Variants in PKIG observed in about 807,000 individuals in gnomAD.
PKIG encodes the protein cAMP-dependent protein kinase inhibitor gamma.
In PKIG, 1 loss-of-function variant was observed where a neutral mutation model predicts 6.8. The ratio of observed to expected loss-of-function variants is 0.15; its 90% CI spans 0.05 to 0.69. The LOEUF (loss-of-function observed/expected upper bound fraction) is 0.69, where lower values mean the gene tolerates loss of function less well. Ranked by LOEUF, PKIG falls within the 30% of genes least tolerant of loss-of-function variation. The pLI is 0.82. For synonymous variants in PKIG, 39 were observed against 43.0 expected, an observed-to-expected ratio of 0.91 and a Z score of 0.36; for missense variants, 77 against 104.0, an observed-to-expected ratio of 0.74 and a Z score of 1.13.
intron 1 of PKIG, among the ~76,000 whole-genome samples, chr20:44,548,767 C>T (rs2064639560): frequency 6.6e-6 from 1 of 151,412 alleles, no homozygotes; most frequent in South Asian, 2.1e-4. Flanking sequence ...AATCAGTTTT[C>T]TTTTAAGACT....
chr20:44,534,878 AGGGTCACACAG>A (rs1231012575), intron 1 of PKIG, among the ~76,000 whole-genome samples: 12 of 152,270 alleles, frequency 7.9e-5, no homozygotes, highest in African/African-American at 2.2e-4. Context: ...ATGCTCACTC[AGGGTCACACAG>A]TATTTGAATC....
At position 44,544,925 on chromosome 20, in the gene PKIG, CTTTTTTTTTTTTTTTT is replaced by C. The variant is rs796482642; in HGVS notation, c.-241+12960_-241+12975del. Among the ~76,000 whole-genome samples, 273 of 64,396 alleles carry C rather than the reference CTTTTTTTTTTTTTTTT, an allele frequency of 4.2e-3. 4 individuals carry two copies. The highest frequency in any genetic ancestry group is 0.023 in the South Asian group (46 of 1,990). 42.2% of individuals were successfully genotyped at this position (64,396 alleles called of 152,430 possible). A position where few individuals can be genotyped will look rare whatever the true frequency, so the allele number is the denominator to read the frequency against. ...TCTTTCTTTCTTTCCTTCCTTCTTT[CTTTTTTTTTTTTTTTT>C]TTTTTTTTTTTTGAGATGGAATCTT... On this transcript the variant is annotated intron_variant, in intron 1 of 4. Coordinates refer to the PKIG transcript ENST00000372887.
At chr20:44,562,215 C>G (rs563834643) in intron 1 of PKIG, among the ~76,000 whole-genome samples, 74 of 152,018 alleles carry the variant, frequency 4.9e-4, no homozygotes, top group African/African-American at 1.8e-3. Context: ...TCAATGAAGC[C>G]AAAGTATGAT....
intron 1 of PKIG, among the ~76,000 whole-genome samples, chr20:44,551,307 G>T (rs1475772650): frequency 1.3e-5 from 2 of 152,116 alleles, no homozygotes; most frequent in African/African-American, 4.8e-5. Context: ...GCCCACCTCG[G>T]CCTCCCAAAG....
chr20:44,566,993 G>A (rs2064815949), intron 1 of PKIG, among the ~76,000 whole-genome samples: 1 of 152,040 alleles, frequency 6.6e-6, no homozygotes, highest in African/African-American at 2.4e-5. Flanking sequence ...TAGGAGTTTT[G>A]TCTGCATTCC....
At chr20:44,607,481 A>G (rs1266691795) in intron 2 of PKIG, among the ~76,000 whole-genome samples, 1 of 147,214 alleles carries the variant, frequency 6.8e-6, no homozygotes, top group Admixed American at 6.9e-5. Context: ...GGTTCGAGCA[A>G]TTCTCCTGCC....
intron 1 of PKIG, among the ~76,000 whole-genome samples, chr20:44,570,298 T>A (rs760733107): frequency 1.3e-5 from 2 of 152,214 alleles, no homozygotes; most frequent in African/African-American, 2.4e-5. Context: ...TTTCCAGTAT[T>A]TCCTATGATA....
chr20:44,613,719 C>G (rs1449840296), intron 2 of PKIG, among the ~76,000 whole-genome samples: 1 of 152,146 alleles, frequency 6.6e-6, no homozygotes, highest in Non-Finnish European at 1.5e-5. Flanking sequence ...ATCTTGGCAC[C>G]TGAACTTCAC....
chr20:44,588,872 G>C (rs928344404), intron 1 of PKIG, among the ~76,000 whole-genome samples: 1 of 152,166 alleles, frequency 6.6e-6, no homozygotes, highest in African/African-American at 2.4e-5. Context: ...ATGTTAGCTA[G>C]ATATAGAATT....
intron 1 of PKIG, among the ~76,000 whole-genome samples, chr20:44,565,165 T>G (rs973445967): frequency 2.6e-5 from 4 of 152,228 alleles, no homozygotes; most frequent in African/African-American, 9.6e-5. Flanking sequence ...TGTTAGTGGG[T>G]TTTTTTCTAA....
chr20:44,618,375 G>T lies in PKIG; in HGVS notation c.*11G>T. ...ACCACCTCGTCTTGAATCTGACCTT[G>T]TCCAAGAAGGCTGGACGAGAGACCT... On this transcript the variant is annotated 3_prime_UTR_variant, in exon 4 of 4. Coordinates refer to ENST00000372886, the MANE Select transcript of PKIG (RefSeq NM_001281445.2). The T allele has an allele frequency of 6.3e-7, 1 of 1,589,474 alleles. No individual in the cohort carries two copies. Among genetic ancestry groups the T allele is most frequent in the Non-Finnish European group, 8.6e-7 (1 of 1,157,532 alleles).
At chr20:44,577,234 CGAGTAGCTGGGAGCCTCCT>C (rs1423685642) in intron 1 of PKIG, among the ~76,000 whole-genome samples, 1 of 152,032 alleles carries the variant, frequency 6.6e-6, no homozygotes, top group East Asian at 1.9e-4. Context: ...CTCAGCCTCC[CGAGTAGCTGGGAGCCTCCT>C]GAGTAGCTGG....
At chr20:44,555,577 A>G (rs1011135075) in intron 1 of PKIG, among the ~76,000 whole-genome samples, 1 of 152,150 alleles carries the variant, frequency 6.6e-6, no homozygotes, top group African/African-American at 2.4e-5. Context: ...AAGCTCACCC[A>G]CAGTTCTTTG....
chr20:44,535,684 A>T (rs899131712), intron 1 of PKIG, among the ~76,000 whole-genome samples: 3 of 152,176 alleles, frequency 2.0e-5, no homozygotes, highest in Admixed American at 2.0e-4. Context: ...TATTAGAAAG[A>T]TGTTTACATT....
chr20:44,573,968 A>T (rs2064874712), intron 1 of PKIG, among the ~76,000 whole-genome samples: 1 of 152,196 alleles, frequency 6.6e-6, no homozygotes, highest in Non-Finnish European at 1.5e-5. Flanking sequence ...GTAATACATG[A>T]ATATGACTTT....
At chr20:44,569,285 T>C (rs2064835023) in intron 1 of PKIG, among the ~76,000 whole-genome samples, 1 of 152,228 alleles carries the variant, frequency 6.6e-6, no homozygotes, top group Non-Finnish European at 1.5e-5. Context: ...AAATTTTCTC[T>C]CTCCTGAAAT....
Position 44,618,293 on chromosome 20 carries a change from G to T in PKIG, c.160G>T (p.Val54Leu). The T allele has an allele frequency of 6.2e-7, 1 of 1,610,952 alleles. No individual in the cohort carries two copies. The highest frequency in any genetic ancestry group is 2.2e-5 in the East Asian group (1 of 44,854). Residue 54 changes from valine to leucine, a missense_variant, in exon 4 of 4, where the codon GTG becomes TTG. Transcript: ENST00000372886. ...CTTTCTCTCCTCTCCAGAAGGACAG[G>T]TGGAGGGAAGCGCCCCAGACAAGGA... Reference protein sequence around the residue: ...ELALEGAEGQVEGSAPDKEAG... With the variant: ...ELALEGAEGQLEGSAPDKEAG...
chr20:44,591,228 T>TGG (rs1266903255), intron 2 of PKIG, among the ~76,000 whole-genome samples: 3 of 151,624 alleles, frequency 2.0e-5, no homozygotes, highest in Non-Finnish European at 4.4e-5. Context: ...CCTGGAGGCT[T>TGG]GGGGGGTGCA....
intron 2 of PKIG, among the ~76,000 whole-genome samples, chr20:44,591,852 G>A (rs899784101): frequency 6.6e-6 from 1 of 152,172 alleles, no homozygotes; most frequent in African/African-American, 2.4e-5. Flanking sequence ...AGGATTTGTT[G>A]AAATCCTCAA....
Sources: gnomAD v4.1 joint callset for allele counts (sites outside exome capture counted in the v4.1 genomes callset) on GRCh38, gnomAD v4.1.1 for gene constraint, MANE v1.5 for transcripts, NCBI Gene and HGNC (gene_info 2026-07-23, HGNC 2026-07-21) for gene names.